KIRREL3: variants seen among roughly 807,000 people sequenced by gnomAD.
KIRREL3 encodes kin of IRRE-like protein 3.
Under a neutral mutation model 89.7 loss-of-function variants are expected in KIRREL3, and 36 were observed. That is an observed-to-expected ratio of 0.40 (90% CI 0.31 to 0.53). The LOEUF (loss-of-function observed/expected upper bound fraction) is 0.53. Ranked by LOEUF, KIRREL3 falls within the 20% of genes least tolerant of loss-of-function variation. The probability of loss-of-function intolerance (pLI) is 0.49; values close to 1 mark genes in which losing one functional copy is unlikely to be tolerated. For missense variants in KIRREL3, 864 were observed against 1,056.6 expected, an observed-to-expected ratio of 0.82 and a Z score of 2.53; for synonymous variants, 445 against 441.4, an observed-to-expected ratio of 1.01 and a Z score of -0.10.
rs536643775 is a variant in KIRREL3, at chr11:126,425,823, A to G, written c.1807-99T>C. ...TCAGAAACTCAAAAGATTGCCCTGT[A>G]TAACCCCCACCACCCCTCACTGCCT... On this transcript the variant is annotated intron_variant, in intron 15 of 16. Transcript: ENST00000525144. The G allele has an allele frequency of 6.2e-5, 58 of 936,408 alleles. No homozygotes were observed. In the Admixed American group the frequency reaches 8.6e-4, roughly 14 times the overall value. The allele number at this position is 936,408 out of a possible 1,614,324, so 58.0% of individuals were successfully genotyped here.
At chr11:126,716,239 A>G (rs1352892772) in intron 1 of KIRREL3, among the ~76,000 whole-genome samples, 1 of 152,142 alleles carries the variant, frequency 6.6e-6, no homozygotes, top group Non-Finnish European at 1.5e-5. Flanking sequence ...GGAGCTGGAG[A>G]GCAAGATTTT....
intron 1 of KIRREL3, among the ~76,000 whole-genome samples, chr11:126,727,790 C>T (rs1366526249): frequency 4.2e-4 from 64 of 152,212 alleles, no homozygotes; most frequent in Admixed American, 4.1e-3. Flanking sequence ...AAGAACTAAA[C>T]GAAGGACTTT....
At position 126,697,186 on chromosome 11, in the gene KIRREL3, C is replaced by T. The variant is rs1947132338; in HGVS notation, c.56-134274G>A. Among the ~76,000 whole-genome samples, 1 of 152,206 alleles carries T rather than the reference C, an allele frequency of 6.6e-6. No homozygotes were observed. Among genetic ancestry groups the T allele is most frequent in the Admixed American group, 6.5e-5 (1 of 15,290 alleles). On this transcript the variant is annotated intron_variant, in intron 1 of 16. Transcript: ENST00000525144. The surrounding 1 kb of genome is among the most constrained non-coding windows in gnomAD (Gnocchi z 4.2). ...CCCCCAGACCTGTGTTCACCTGGCTCACAGCCCTCCTTAATTACAATTGTA... is the reference window on the plus strand; with the variant it reads ...CCCCCAGACCTGTGTTCACCTGGCTTACAGCCCTCCTTAATTACAATTGTA...
chr11:126,738,788 A>G (rs764439324), intron 1 of KIRREL3, among the ~76,000 whole-genome samples: 1 of 152,228 alleles, frequency 6.6e-6, no homozygotes. Flanking sequence ...ATTAGCAGGC[A>G]GCTACCTGAA....
At chr11:126,529,387 CA>C (rs943831814) in intron 2 of KIRREL3, among the ~76,000 whole-genome samples, 70 of 152,220 alleles carry the variant, frequency 4.6e-4, no homozygotes, top group Admixed American at 4.6e-3. Flanking sequence ...GTCTCAGAGC[CA>C]GGGGTGGCAG....
chr11:126,792,417 C>T (rs959956949), intron 1 of KIRREL3, among the ~76,000 whole-genome samples: 2 of 152,184 alleles, frequency 1.3e-5, no homozygotes, highest in African/African-American at 4.8e-5. Flanking sequence ...CCCCAAGTCA[C>T]ACAACTTGCA....
chr11:126,845,849 A>C (rs1237266369), intron 1 of KIRREL3, among the ~76,000 whole-genome samples: 1 of 152,200 alleles, frequency 6.6e-6, no homozygotes, highest in Non-Finnish European at 1.5e-5. Context: ...GCTATAGTTA[A>C]AAGTCATCTT....
At chr11:126,936,701 A>G (rs1250984666) in intron 1 of KIRREL3, 1 of 152,204 alleles carries the variant, frequency 6.6e-6, no homozygotes, top group Admixed American at 6.5e-5. Flanking sequence ...ATGTCCAGAA[A>G]AGACAAATCT....
At chr11:126,436,268 A>G (rs957811577) in intron 12 of KIRREL3, among the ~76,000 whole-genome samples, 3 of 152,136 alleles carry the variant, frequency 2.0e-5, no homozygotes, top group African/African-American at 4.8e-5. Flanking sequence ...CCCCGACCCT[A>G]GGGATCTGGA....
At chr11:126,967,667 C>T (rs915130864) in intron 1 of KIRREL3, among the ~76,000 whole-genome samples, 2 of 152,046 alleles carry the variant, frequency 1.3e-5, no homozygotes, top group East Asian at 3.9e-4. Context: ...CAAGCCCAAG[C>T]CTTCTGAAAG....
At chr11:126,456,830 A>T (rs1001734902) in intron 6 of KIRREL3, among the ~76,000 whole-genome samples, 1 of 152,240 alleles carries the variant, frequency 6.6e-6, no homozygotes, top group Non-Finnish European at 1.5e-5. Context: ...GCTTCAGTGC[A>T]GACTGTCTTT....
At chr11:126,691,564 G>C (rs569425818) in intron 1 of KIRREL3, among the ~76,000 whole-genome samples, 2 of 151,970 alleles carry the variant, frequency 1.3e-5, no homozygotes, top group Admixed American at 1.3e-4. Context: ...CTTTGTAGAC[G>C]GTTAAAATAA....
At chr11:126,859,473 G>T (rs1944639201) in intron 1 of KIRREL3, among the ~76,000 whole-genome samples, 1 of 152,084 alleles carries the variant, frequency 6.6e-6, no homozygotes, top group South Asian at 2.1e-4. Flanking sequence ...CAACTGAACT[G>T]GACAATGGAT....
chr11:126,434,816 C>A (rs992529312), intron 13 of KIRREL3, among the ~76,000 whole-genome samples: 1 of 152,140 alleles, frequency 6.6e-6, no homozygotes, highest in Non-Finnish European at 1.5e-5. Context: ...ATGGATTGCA[C>A]AAGCCACAGC....
At chr11:126,861,841 A>C (rs1356464678) in intron 1 of KIRREL3, among the ~76,000 whole-genome samples, 3 of 152,196 alleles carry the variant, frequency 2.0e-5, no homozygotes, top group Non-Finnish European at 2.9e-5. Context: ...TGGACGTCCA[A>C]AAGGCTGCCA....
At position 126,898,179 on chromosome 11, in the gene KIRREL3, G is replaced by A. The variant is rs1354110262; in HGVS notation, c.55+102276C>T. 3.3e-5 allele frequency among the ~76,000 whole-genome samples: 5 copies of A among 152,108 alleles called. No individual in the cohort carries two copies. The highest frequency in any genetic ancestry group is 1.2e-4 in the African/African-American group (5 of 41,414). On this transcript the variant is annotated intron_variant, in intron 1 of 16. Coordinates refer to ENST00000525144, the MANE Select transcript of KIRREL3 (RefSeq NM_032531.4). This position sits in a 1 kb window ranked among gnomAD's most constrained non-coding sequence, Gnocchi z 4.9. ...TCTCGTGGACAGGTGGAAGTAAAGA[G>A]TTAGGATCAAAGCTGTTAGTAACAA...
rs995932952 is a variant in KIRREL3, at chr11:126,906,623, T to G, written c.55+93832A>C. ...TCAGATCTCCTTTCCTTTCACTGTT[T>G]TTTTTAGCATGTATGGGAACATTAT... On this transcript the variant is annotated intron_variant, in intron 1 of 16. Transcript: ENST00000525144. This position sits in a 1 kb window ranked among gnomAD's most constrained non-coding sequence, Gnocchi z 4.1. Among the ~76,000 whole-genome samples the G allele has an allele frequency of 5.3e-5, 8 of 152,196 alleles. No individual in the cohort carries two copies. The highest frequency in any genetic ancestry group is 8.8e-5 in the Non-Finnish European group (6 of 68,040).
At chr11:126,866,118 T>C (rs1244824215) in intron 1 of KIRREL3, among the ~76,000 whole-genome samples, 1 of 152,244 alleles carries the variant, frequency 6.6e-6, no homozygotes, top group Non-Finnish European at 1.5e-5. Flanking sequence ...GAAATATGTA[T>C]GCTTCCATTG....
At position 126,740,859 on chromosome 11, in the gene KIRREL3, C is replaced by T. The variant is rs1242342121; in HGVS notation, c.56-177947G>A. Among the ~76,000 whole-genome samples, 2 of 152,138 alleles carry T rather than the reference C, an allele frequency of 1.3e-5. No homozygotes were observed. The highest frequency in any genetic ancestry group is 2.4e-5 in the African/African-American group (1 of 41,412). ...TGAGGTCGTGCTTCTTGGAAAAAGCCACTCACTGAGAAAGAAGATATCCAT... is the reference window on the plus strand; with the variant it reads ...TGAGGTCGTGCTTCTTGGAAAAAGCTACTCACTGAGAAAGAAGATATCCAT... On this transcript the variant is annotated intron_variant, in intron 1 of 16. Coordinates refer to ENST00000525144, the MANE Select transcript of KIRREL3 (RefSeq NM_032531.4). The surrounding 1 kb of genome is among the most constrained non-coding windows in gnomAD (Gnocchi z 6.0).
Sources: gnomAD v4.1 joint callset for allele counts (sites outside exome capture counted in the v4.1 genomes callset) on GRCh38, gnomAD v4.1.1 for gene constraint, Gnocchi (gnomAD v3.1) non-coding constraint, MANE v1.5 for transcripts, NCBI Gene and HGNC (gene_info 2026-07-23, HGNC 2026-07-21) for gene names.